The following HOXC8 variants were observed in gnomAD, a reference collection of about 807,000 sequenced individuals.
HOXC8 encodes homeobox C8.
HOXC8 carries 14 observed loss-of-function variants against 25.8 expected under a neutral mutation model. The ratio of observed to expected loss-of-function variants is 0.54; its 90% CI spans 0.36 to 0.85. HOXC8 has a LOEUF of 0.85. HOXC8 is among the 40% of genes least tolerant of loss of function. HOXC8 has a pLI of 0.01. For missense variants in HOXC8, 316 were observed against 308.8 expected, an observed-to-expected ratio of 1.02 and a Z score of -0.17; for synonymous variants, 144 against 124.6, an observed-to-expected ratio of 1.16 and a Z score of -1.04.
At position 54,009,382 on chromosome 12, in the gene HOXC8, G is replaced by T; in HGVS notation, c.98G>T (p.Gly33Val). The T allele has an allele frequency of 1.2e-6, 2 of 1,613,992 alleles. No individual in the cohort carries two copies. Among genetic ancestry groups the T allele is most frequent in the Non-Finnish European group, 1.7e-6 (2 of 1,179,928 alleles). ...YYDCRFPQSV[G>V]RSHALVYGPG... is the part of the protein sequence containing the mutation. ...GACTGCCGGTTCCCTCAGAGCGTGG[G>T]CAGGAGCCATGCGCTGGTGTACGGG... is the stretch of plus-strand genomic sequence containing the variant. The change falls in exon 1 of 2, where the codon GGC (glycine) becomes GTC (valine). Residue 33 changes from glycine (G) to valine (V), a missense_variant. Transcript: ENST00000040584. The surrounding 1 kb of genome is among the most constrained non-coding windows in gnomAD (Gnocchi z 5.0).
Position 54,011,405 on chromosome 12 carries a change from C to CA in HOXC8, c.*24_*25insA. Reference sequence around the variant, plus strand: ...AAGCAAAAAAGAAAGACCCCCCCCCCCTTAGCAACTCCCTTGAAGTTTCGT... The same window carrying CA: ...AAGCAAAAAAGAAAGACCCCCCCCCCACTTAGCAACTCCCTTGAAGTTTCGT... On this transcript the variant is annotated 3_prime_UTR_variant, in exon 2 of 2. Coordinates refer to ENST00000040584, the MANE Select transcript of HOXC8 (RefSeq NM_022658.4). 1 of 1,422,274 alleles carries CA rather than the reference C, an allele frequency of 7.0e-7. No homozygotes were observed. The highest frequency in any genetic ancestry group is 9.2e-7 in the Non-Finnish European group (1 of 1,084,360). The allele number at this position is 1,422,274 out of a possible 1,614,324, so 88.1% of individuals were successfully genotyped here. A position where few individuals can be genotyped will look rare whatever the true frequency, so the allele number is the denominator to read the frequency against.
In HOXC8 at chr12:54,009,407, G is replaced by A. The variant is rs751877380; in HGVS notation, c.123G>A (p.Gly41=). ...SVGRSHALVY[G]PGGSAPGFQH... is the part of the protein sequence containing the mutation. ...GCAGGAGCCATGCGCTGGTGTACGG[G>A]CCCGGCGGCTCGGCGCCCGGCTTCC... The change falls in exon 1 of 2, where the codon GGG becomes GGA. Residue 41 remains glycine, a synonymous_variant. Transcript: ENST00000040584. The surrounding 1 kb of genome is among the most constrained non-coding windows in gnomAD (Gnocchi z 5.0). 1 of 1,614,048 alleles carries A rather than the reference G, an allele frequency of 6.2e-7. No individual in the cohort carries two copies. Among genetic ancestry groups the A allele is most frequent in the Non-Finnish European group, 8.5e-7 (1 of 1,179,990 alleles).
chr12:54,009,082 A>G lies in HOXC8; in HGVS notation c.-203A>G. ...CCGCCGCCGCCGCCGCCCGCGCCCC[A>G]GCCCCGGGAGCTCTGCTGATCCGGC... On this transcript the variant is annotated 5_prime_UTR_variant, in exon 1 of 2. Coordinates refer to ENST00000040584, the MANE Select transcript of HOXC8 (RefSeq NM_022658.4). This position sits in a 1 kb window ranked among gnomAD's most constrained non-coding sequence, Gnocchi z 5.0. 1 of 259,950 alleles carries G rather than the reference A, an allele frequency of 3.8e-6. No individual in the cohort carries two copies. Among genetic ancestry groups the G allele is most frequent in the Non-Finnish European group, 7.1e-6 (1 of 141,256 alleles). The allele number at this position is 259,950 out of a possible 1,614,324, so 16.1% of individuals were successfully genotyped here.
chr12:54,012,090 C>T lies in HOXC8; in HGVS notation c.*709C>T, dbSNP rs896826415. The T allele has an allele frequency of 6.6e-6, 1 of 152,322 alleles. No homozygotes were observed. The highest frequency in any genetic ancestry group is 1.5e-5 in the Non-Finnish European group (1 of 67,994). The allele number at this position is 152,322 out of a possible 1,614,324, so 9.4% of individuals were successfully genotyped here. A position where few individuals can be genotyped will look rare whatever the true frequency, so the allele number is the denominator to read the frequency against. The stretch of plus-strand genomic sequence containing the variant: ...GGAGCCTGCAGTCGCCTCTAAAATC[C>T]TACCTAACCATCCCATGGTCACTCG... On this transcript the variant is annotated 3_prime_UTR_variant, in exon 2 of 2. Transcript: ENST00000040584.
rs563958540 is a variant in HOXC8, at chr12:54,009,437, C to G, written c.153C>G (p.His51Gln). ...GPGGSAPGFQ[H>Q]ASHHVQDFFH... ...GCGGCTCGGCGCCCGGCTTCCAGCA[C>G]GCTTCGCACCACGTTCAAGACTTCT... The change falls in exon 1 of 2, where the codon CAC (histidine) becomes CAG (glutamine). Residue 51 changes from histidine (H) to glutamine (Q), a missense_variant. Physicochemically the swap from His to Gln is conservative, Grantham distance 24. Transcript: ENST00000040584. The surrounding 1 kb of genome is among the most constrained non-coding windows in gnomAD (Gnocchi z 5.0). 7.8e-5 allele frequency: 126 copies of G among 1,614,134 alleles called. 1 individual carries two copies. The South Asian group carries it at 1.3e-3, about 17-fold the overall frequency.
rs1468263623 is a variant in HOXC8 at position 54,012,475 on chromosome 12, C to T, written c.*1094C>T. On this transcript the variant is annotated 3_prime_UTR_variant, in exon 2 of 2. Coordinates refer to ENST00000040584, the MANE Select transcript of HOXC8 (RefSeq NM_022658.4). ...TGCTTATTTCACTAAGAAAACCCAA[C>T]AACTGAGACTGCCTAGCCCGCCGGT... The T allele has an allele frequency of 6.6e-6, 1 of 152,440 alleles. No individual in the cohort carries two copies. The highest frequency in any genetic ancestry group is 1.5e-5 in the Non-Finnish European group (1 of 68,000). 9.4% of individuals were successfully genotyped at this position (152,440 alleles called of 1,614,324 possible).
Position 54,009,029 on chromosome 12 carries a change from G to C in HOXC8, c.-256G>C, listed in dbSNP as rs1939915856. On this transcript the variant is annotated 5_prime_UTR_variant, in exon 1 of 2. Transcript: ENST00000040584. The surrounding 1 kb of genome is among the most constrained non-coding windows in gnomAD (Gnocchi z 5.0). Reference sequence around the variant, plus strand: ...CTACCTACCGACAGTGAGGAGCGCCGCCGCCGCCGCCGCCGCCCGCTCGCC... The same window carrying C: ...CTACCTACCGACAGTGAGGAGCGCCCCCGCCGCCGCCGCCGCCCGCTCGCC... 1 of 149,194 alleles carries C rather than the reference G, an allele frequency of 6.7e-6. No individual in the cohort carries two copies. The allele number at this position is 149,194 out of a possible 1,614,324, so 9.2% of individuals were successfully genotyped here.
In HOXC8 at chr12:54,011,513, C is replaced by A; in HGVS notation, c.*132C>A. On this transcript the variant is annotated 3_prime_UTR_variant, in exon 2 of 2. Coordinates refer to ENST00000040584, the MANE Select transcript of HOXC8 (RefSeq NM_022658.4). ...AGAATGACACTCACAACTCTAACTA[C>A]CTGTCAGATACTTGCAGCTCTGGTT... The A allele has an allele frequency of 8.9e-7, 1 of 1,127,916 alleles. No homozygotes were observed. The highest frequency in any genetic ancestry group is 1.2e-6 in the Non-Finnish European group (1 of 843,424). The allele number at this position is 1,127,916 out of a possible 1,614,324, so 69.9% of individuals were successfully genotyped here. A position where few individuals can be genotyped will look rare whatever the true frequency, so the allele number is the denominator to read the frequency against.
chr12:54,009,793 T>G lies in HOXC8; in HGVS notation c.436+73T>G. 7.5e-7 allele frequency: 1 copy of G among 1,332,988 alleles called. No individual in the cohort carries two copies. Among genetic ancestry groups the G allele is most frequent in the Non-Finnish European group, 1.1e-6 (1 of 942,866 alleles). 82.6% of individuals were successfully genotyped at this position (1,332,988 alleles called of 1,614,324 possible). ...TTCCCCCCCTCCCTCGCCTCCTTTT[T>G]GTCTGCCCTCGCTTTTTCTCCTGGC... is the stretch of plus-strand genomic sequence containing the variant. On this transcript the variant is annotated intron_variant, in intron 1 of 1. Coordinates refer to ENST00000040584, the MANE Select transcript of HOXC8 (RefSeq NM_022658.4). The surrounding 1 kb of genome is among the most constrained non-coding windows in gnomAD (Gnocchi z 5.0).
Position 54,012,686 on chromosome 12 carries a change from G to T in HOXC8, c.*1305G>T, listed in dbSNP as rs895140016. Among the ~76,000 whole-genome samples the T allele has an allele frequency of 6.6e-6, 1 of 152,154 alleles. No individual in the cohort carries two copies. Among genetic ancestry groups the T allele is most frequent in the Admixed American group, 6.6e-5 (1 of 15,266 alleles). ...ATGTCCAGCTATGAATGTAGATTTT[G>T]TGTCCCGACAGCCCTGTTCCTGGTC... On this transcript the variant is annotated 3_prime_UTR_variant, in exon 2 of 2. Coordinates refer to ENST00000040584, the MANE Select transcript of HOXC8 (RefSeq NM_022658.4).
chr12:54,009,774 C>T lies in HOXC8; in HGVS notation c.436+54C>T, dbSNP rs908012413. The T allele has an allele frequency of 4.8e-6, 7 of 1,468,078 alleles. No homozygotes were observed. In the Admixed American group the frequency reaches 7.0e-5, roughly 15 times the overall value. 90.9% of individuals were successfully genotyped at this position (1,468,078 alleles called of 1,614,324 possible). A position where few individuals can be genotyped will look rare whatever the true frequency, so the allele number is the denominator to read the frequency against. Reference sequence around the variant, plus strand: ...GTCTCCCGCGCTCCAGGGTTTCCCCCCCTCCCTCGCCTCCTTTTTGTCTGC... The same window carrying T: ...GTCTCCCGCGCTCCAGGGTTTCCCCTCCTCCCTCGCCTCCTTTTTGTCTGC... On this transcript the variant is annotated intron_variant, in intron 1 of 1. Coordinates refer to ENST00000040584, the MANE Select transcript of HOXC8 (RefSeq NM_022658.4). The surrounding 1 kb of genome is among the most constrained non-coding windows in gnomAD (Gnocchi z 5.0).
chr12:54,011,232 A>G lies in HOXC8; in HGVS notation c.580A>G (p.Lys194Glu), dbSNP rs764437565. 1 of 1,613,554 alleles carries G rather than the reference A, an allele frequency of 6.2e-7. No homozygotes were observed. Among genetic ancestry groups the G allele is most frequent in the Non-Finnish European group, 8.5e-7 (1 of 1,179,838 alleles). ...HALGLTERQVKIWFQNRRMKW... is the reference protein window; with the variant it reads ...HALGLTERQVEIWFQNRRMKW... ...CCTGGGACTGACCGAGAGACAAGTG[A>G]AGATCTGGTTCCAGAACCGAAGGAT... The change falls in exon 2 of 2, where the codon AAG becomes GAG. Residue 194 changes from lysine to glutamate, a missense_variant. Physicochemically the swap from Lys to Glu is moderately conservative, Grantham distance 56. Coordinates refer to ENST00000040584, the MANE Select transcript of HOXC8 (RefSeq NM_022658.4).
Position 54,012,393 on chromosome 12 carries a change from T to G in HOXC8, c.*1012T>G, listed in dbSNP as rs985589772. The stretch of plus-strand genomic sequence containing the variant: ...CTCCAGCGTATTTTATCACTACCTA[T>G]AGAAAGAAATCCTGCTTTGAGAGTA... On this transcript the variant is annotated 3_prime_UTR_variant, in exon 2 of 2. Coordinates refer to ENST00000040584, the MANE Select transcript of HOXC8 (RefSeq NM_022658.4). The G allele has an allele frequency of 6.7e-6, 1 of 150,280 alleles. No individual in the cohort carries two copies. The highest frequency in any genetic ancestry group is 1.5e-5 in the Non-Finnish European group (1 of 67,464). 9.3% of individuals were successfully genotyped at this position (150,280 alleles called of 1,614,324 possible).
rs1940019769 is a variant in HOXC8, at chr12:54,012,453, T to C, written c.*1072T>C. 1.3e-5 allele frequency: 2 copies of C among 152,476 alleles called. No individual in the cohort carries two copies. The highest frequency in any genetic ancestry group is 2.1e-4 in the South Asian group (1 of 4,816). 9.4% of individuals were successfully genotyped at this position (152,476 alleles called of 1,614,324 possible). A position where few individuals can be genotyped will look rare whatever the true frequency, so the allele number is the denominator to read the frequency against. On this transcript the variant is annotated 3_prime_UTR_variant, in exon 2 of 2. Coordinates refer to ENST00000040584, the MANE Select transcript of HOXC8 (RefSeq NM_022658.4). ...CGGTTTTGTTGTCGTTTGTTGCTGC[T>C]TATTTCACTAAGAAAACCCAACAAC...
At position 54,011,451 on chromosome 12, in the gene HOXC8, G is replaced by C; in HGVS notation, c.*70G>C. On this transcript the variant is annotated 3_prime_UTR_variant, in exon 2 of 2. Coordinates refer to ENST00000040584, the MANE Select transcript of HOXC8 (RefSeq NM_022658.4). ...TTCGTTTTATGGTAGCAGATAAATT[G>C]AGAAGTTTACGACTGTCATTTGCTT... 1 of 1,443,178 alleles carries C rather than the reference G, an allele frequency of 6.9e-7. No individual in the cohort carries two copies. The highest frequency in any genetic ancestry group is 2.6e-5 in the Admixed American group (1 of 38,122). The allele number at this position is 1,443,178 out of a possible 1,614,324, so 89.4% of individuals were successfully genotyped here. A position where few individuals can be genotyped will look rare whatever the true frequency, so the allele number is the denominator to read the frequency against.
In HOXC8 at chr12:54,009,812, T is replaced by A; in HGVS notation, c.436+92T>A. The A allele has an allele frequency of 1.7e-6, 2 of 1,194,074 alleles. No homozygotes were observed. The highest frequency in any genetic ancestry group is 2.4e-6 in the Non-Finnish European group (2 of 826,362). The allele number at this position is 1,194,074 out of a possible 1,614,324, so 74.0% of individuals were successfully genotyped here. A position where few individuals can be genotyped will look rare whatever the true frequency, so the allele number is the denominator to read the frequency against. On this transcript the variant is annotated intron_variant, in intron 1 of 1. Transcript: ENST00000040584. The surrounding 1 kb of genome is among the most constrained non-coding windows in gnomAD (Gnocchi z 5.0). ...CCTTTTTGTCTGCCCTCGCTTTTTC[T>A]CCTGGCTTTGGGGTCTCTCCCGCCC...
chr12:54,011,563 T>A lies in HOXC8; in HGVS notation c.*182T>A. 2 of 715,440 alleles carry A rather than the reference T, an allele frequency of 2.8e-6. No individual in the cohort carries two copies. The highest frequency in any genetic ancestry group is 4.1e-6 in the Non-Finnish European group (2 of 489,688). The allele number at this position is 715,440 out of a possible 1,614,324, so 44.3% of individuals were successfully genotyped here. A position where few individuals can be genotyped will look rare whatever the true frequency, so the allele number is the denominator to read the frequency against. ...TTTATTACCTTTGGACTTCCCCCACTCTTTATTTGTTTGGGGGCTGGAGGG... is the reference window on the plus strand; with the variant it reads ...TTTATTACCTTTGGACTTCCCCCACACTTTATTTGTTTGGGGGCTGGAGGG... On this transcript the variant is annotated 3_prime_UTR_variant, in exon 2 of 2. Coordinates refer to ENST00000040584, the MANE Select transcript of HOXC8 (RefSeq NM_022658.4).
At position 54,009,695 on chromosome 12, in the gene HOXC8, C is replaced by T. The variant is rs763712066; in HGVS notation, c.411C>T (p.Leu137=). Residue 137 remains leucine, a synonymous_variant, in exon 1 of 2, where the codon CTC becomes CTT. Transcript: ENST00000040584. The surrounding 1 kb of genome is among the most constrained non-coding windows in gnomAD (Gnocchi z 5.0). Reference sequence around the variant, plus strand: ...TAAATCAAAACTCGTCTCCCAGCCTCATGTTTCCATGGATGAGACCCCACG... The same window carrying T: ...TAAATCAAAACTCGTCTCCCAGCCTTATGTTTCCATGGATGAGACCCCACG... The part of the protein sequence containing the change: ...GHLNQNSSPS[L]MFPWMRPHAP... 3 of 1,614,114 alleles carry T rather than the reference C, an allele frequency of 1.9e-6. No homozygotes were observed. Among genetic ancestry groups the T allele is most frequent in the Non-Finnish European group, 1.7e-6 (2 of 1,180,028 alleles).
Position 54,009,405 on chromosome 12 carries a change from G to T in HOXC8, c.121G>T (p.Gly41Trp), listed in dbSNP as rs764066491. Reference sequence around the variant, plus strand: ...GGGCAGGAGCCATGCGCTGGTGTACGGGCCCGGCGGCTCGGCGCCCGGCTT... The same window carrying T: ...GGGCAGGAGCCATGCGCTGGTGTACTGGCCCGGCGGCTCGGCGCCCGGCTT... The part of the protein sequence containing the change: ...SVGRSHALVY[G>W]PGGSAPGFQH... The change falls in exon 1 of 2, where the codon GGG (glycine) becomes TGG (tryptophan). Residue 41 changes from glycine to tryptophan, a missense_variant. By Grantham distance (184) the Gly-to-Trp change is radical. Transcript: ENST00000040584. This position sits in a 1 kb window ranked among gnomAD's most constrained non-coding sequence, Gnocchi z 5.0. 4 of 1,614,004 alleles carry T rather than the reference G, an allele frequency of 2.5e-6. No homozygotes were observed. Among genetic ancestry groups the T allele is most frequent in the Non-Finnish European group, 3.4e-6 (4 of 1,179,964 alleles).
Sources: allele counts gnomAD v4.1 joint callset (sites outside exome capture counted in the v4.1 genomes callset), GRCh38; gene constraint gnomAD v4.1.1; non-coding constraint Gnocchi (gnomAD v3.1); transcripts MANE v1.5; gene names NCBI Gene and HGNC (gene_info 2026-07-23, HGNC 2026-07-21).